Variants in PIP5K1C observed in about 807,000 individuals in gnomAD.
PIP5K1C encodes the protein phosphatidylinositol 4-phosphate 5-kinase type-1 gamma.
PIP5K1C carries 45 observed loss-of-function variants against 80.1 expected under a neutral mutation model. The observed-to-expected ratio is 0.56, with a 90% CI of 0.44 to 0.72. The LOEUF is 0.72. Ranked by LOEUF, PIP5K1C falls within the 30% of genes least tolerant of loss-of-function variation. The pLI is 0.00. For missense variants in PIP5K1C, 753 were observed against 954.6 expected, an observed-to-expected ratio of 0.79 and a Z score of 2.78; for synonymous variants, 498 against 420.1, an observed-to-expected ratio of 1.19 and a Z score of -2.27.
At chr19:3,672,655 G>A (rs977676539) in intron 1 of PIP5K1C, 4 of 150,620 alleles carry the variant, frequency 2.7e-5, no homozygotes, top group African/African-American at 7.6e-5. Context: ...GTGGCCAGAG[G>A]GAGGGAGGCA....
At chr19:3,651,644 G>A (rs1039295698) in intron 8 of PIP5K1C, among the ~76,000 whole-genome samples, 182 bp downstream of exon 8, 6 of 152,220 alleles carry the variant, frequency 3.9e-5, no homozygotes, top group African/African-American at 1.2e-4. Context: ...CTCAGCCTGC[G>A]GCCCGCACTA....
At chr19:3,651,082 T>A (rs1599959944) in intron 8 of PIP5K1C, among the ~76,000 whole-genome samples, 3 of 128,544 alleles carry the variant, frequency 2.3e-5, no homozygotes, top group Admixed American at 8.6e-5. Context: ...TAAGACAGGG[T>A]CTCACTCTGT....
intron 1 of PIP5K1C, among the ~76,000 whole-genome samples, chr19:3,687,549 A>G (rs889560445): frequency 6.8e-6 from 1 of 146,660 alleles, no homozygotes; most frequent in Non-Finnish European, 1.5e-5. Flanking sequence ...ATACATGCAC[A>G]CATGCACACG....
At position 3,661,976 on chromosome 19, in the gene PIP5K1C, G is replaced by A. The variant is rs200697759; in HGVS notation, c.245C>T (p.Ala82Val). The A allele has an allele frequency of 1.2e-6, 2 of 1,605,714 alleles. No homozygotes were observed. The highest frequency in any genetic ancestry group is 4.5e-5 in the East Asian group (2 of 44,512). ...GGTGTAGCCGATGCCCAGCTGGATG[G>A]CACCCTTCAGGGTGGAGGAGGTGGT... ...KKTTSSTLKG[A>V]IQLGIGYTVG... Residue 82 changes from alanine to valine, a missense_variant, in exon 4 of 18, where the codon GCC becomes GTC. Around this residue, in one of 6 missense-constraint regions of PIP5K1C, gnomAD observed 139 missense variants for 289.7 expected, o/e 0.48. Transcript: ENST00000335312.
At chr19:3,652,255 A>G (rs2034479575) in intron 7 of PIP5K1C, among the ~76,000 whole-genome samples, 1 of 152,222 alleles carries the variant, frequency 6.6e-6, no homozygotes. Context: ...GGGGGCTTCC[A>G]GCCTCACAGC....
intron 5 of PIP5K1C, 63 bp downstream of exon 5, chr19:3,660,903 C>A (rs1156570897): frequency 2.2e-6 from 3 of 1,352,972 alleles, no homozygotes; most frequent in African/African-American, 2.9e-5. Flanking sequence ...ACCCACAGAC[C>A]CTCCGAGACC....
chr19:3,653,117 G>A (rs1343543289), intron 7 of PIP5K1C, among the ~76,000 whole-genome samples, 173 bp downstream of exon 7: 2 of 152,224 alleles, frequency 1.3e-5, no homozygotes, highest in Admixed American at 6.5e-5. Flanking sequence ...TTTAGGTTAA[G>A]GCCATAAAAG....
intron 1 of PIP5K1C, among the ~76,000 whole-genome samples, chr19:3,687,742 GAGT>G (rs1346647476): frequency 5.9e-5 from 9 of 152,296 alleles, no homozygotes; most frequent in African/African-American, 2.2e-4. Flanking sequence ...GGGTCCACCC[GAGT>G]AGTAGGCCGC....
At chr19:3,687,972 C>A (rs2035817151) in intron 1 of PIP5K1C, among the ~76,000 whole-genome samples, 1 of 152,340 alleles carries the variant, frequency 6.6e-6, no homozygotes, top group Admixed American at 6.5e-5. Context: ...CCACTCTCAG[C>A]ACCAAGCTCC....
chr19:3,682,073 T>G (rs903355133), intron 1 of PIP5K1C, among the ~76,000 whole-genome samples: 1 of 152,010 alleles, frequency 6.6e-6, no homozygotes, highest in African/African-American at 2.4e-5. Flanking sequence ...GCCTAACATT[T>G]CTTAGAAAAG....
Position 3,637,862 on chromosome 19 carries a change from C to A in PIP5K1C, c.1920+1022G>T. ...ACACAGCACGACATGGCCCCCAGGCCCCCCGTACCATCCGGAGACCAGGAC... is the reference window on the plus strand; with the variant it reads ...ACACAGCACGACATGGCCCCCAGGCACCCCGTACCATCCGGAGACCAGGAC... On this transcript the variant is annotated intron_variant, in intron 16 of 17. Coordinates refer to ENST00000335312, the MANE Select transcript of PIP5K1C (RefSeq NM_012398.3). The surrounding 1 kb of genome is among the most constrained non-coding windows in gnomAD (Gnocchi z 7.0). 6.5e-7 allele frequency: 1 copy of A among 1,535,364 alleles called. No individual in the cohort carries two copies. The highest frequency in any genetic ancestry group is 8.7e-7 in the Non-Finnish European group (1 of 1,146,688).
intron 13 of PIP5K1C, 111 bp downstream of exon 13, chr19:3,643,132 T>TGC: frequency 6.4e-7 from 1 of 1,552,644 alleles, no homozygotes; most frequent in South Asian, 1.1e-5. Context: ...CCACCGTACA[T>TGC]ACGATGCTCC....
chr19:3,643,439 C>A, intron 12 of PIP5K1C, 58 bp from the exon 13 acceptor site: 2 of 1,603,974 alleles, frequency 1.2e-6, no homozygotes, highest in South Asian at 2.2e-5. Flanking sequence ...AACACACAGT[C>A]GATTCTCCCT....
intron 1 of PIP5K1C, among the ~76,000 whole-genome samples, chr19:3,673,379 C>T (rs2035269943): frequency 6.6e-6 from 1 of 152,196 alleles, no homozygotes; most frequent in Admixed American, 6.5e-5. Context: ...CCACCTGATA[C>T]ATGGCTGTTG....
chr19:3,651,461 C>T (rs147489669), intron 8 of PIP5K1C, among the ~76,000 whole-genome samples: 133 of 152,362 alleles, frequency 8.7e-4, no homozygotes, highest in African/African-American at 3.1e-3. Context: ...GCCTCCCATG[C>T]GCCTTCCACA....
intron 1 of PIP5K1C, among the ~76,000 whole-genome samples, chr19:3,681,119 G>A (rs2035576927): frequency 6.6e-6 from 1 of 152,098 alleles, no homozygotes; most frequent in African/African-American, 2.4e-5. Context: ...AGTCAACACA[G>A]TATGGAGGTA....
chr19:3,681,777 G>A (rs1600073929), intron 1 of PIP5K1C, among the ~76,000 whole-genome samples: 1 of 151,466 alleles, frequency 6.6e-6, no homozygotes, highest in African/African-American at 2.4e-5. Context: ...GCCCCTGGGG[G>A]AGGGCAAACA....
In PIP5K1C at chr19:3,688,176, C is replaced by T. The variant is rs922876491; in HGVS notation, c.94+12121G>A. Among the ~76,000 whole-genome samples the T allele has an allele frequency of 6.6e-6, 1 of 152,206 alleles. No homozygotes were observed. The highest frequency in any genetic ancestry group is 2.4e-5 in the African/African-American group (1 of 41,450). The stretch of plus-strand genomic sequence containing the variant: ...TCTGCGCGTGGTCCCCACCTCCTTG[C>T]GCGCTCCGTCTCCAGCACAGCAGAG... On this transcript the variant is annotated intron_variant, in intron 1 of 17. Transcript: ENST00000335312. This position sits in a 1 kb window ranked among gnomAD's most constrained non-coding sequence, Gnocchi z 5.3.
At chr19:3,665,447 G>A (rs921808964) in intron 2 of PIP5K1C, among the ~76,000 whole-genome samples, 1 of 152,104 alleles carries the variant, frequency 6.6e-6, no homozygotes, top group Admixed American at 6.5e-5. Flanking sequence ...TCAGTAAAGT[G>A]GGTATTTTTT....
Sources: allele counts gnomAD v4.1 joint callset (sites outside exome capture counted in the v4.1 genomes callset), GRCh38; gene constraint gnomAD v4.1.1; regional missense constraint gnomAD v4.1.1; non-coding constraint Gnocchi (gnomAD v3.1); transcripts MANE v1.5; gene names NCBI Gene and HGNC (gene_info 2026-07-23, HGNC 2026-07-21).